The following RBFOX1 variants were observed in gnomAD, a reference collection of about 807,000 sequenced individuals.
RBFOX1 encodes RNA binding fox-1 homolog 1.
RBFOX1 carries 8 observed loss-of-function variants against 57.7 expected under a neutral mutation model. The ratio of observed to expected loss-of-function variants is 0.14; its 90% confidence interval spans 0.08 to 0.25. The LOEUF is 0.25. Among genes scored for constraint, RBFOX1 ranks in the 10% least tolerant of loss-of-function variants. The pLI is 1.00. For missense variants in RBFOX1, 611 were observed against 548.5 expected, an observed-to-expected ratio of 1.11 and a Z score of -1.14; for synonymous variants, 326 against 222.4, an observed-to-expected ratio of 1.47 and a Z score of -4.15.
intron 1 of RBFOX1, among the ~76,000 whole-genome samples, chr16:6,106,657 A>C (rs184376658): frequency 6.6e-6 from 1 of 152,188 alleles, no homozygotes; most frequent in East Asian, 1.9e-4. Flanking sequence ...ATAAGGAATT[A>C]AAATGACTCT....
chr16:6,895,635 T>C (rs2153391531), intron 3 of RBFOX1, among the ~76,000 whole-genome samples: 1 of 151,706 alleles, frequency 6.6e-6, no homozygotes, highest in South Asian at 2.1e-4. Context: ...GAGTCATAGA[T>C]CCTTGACAAT....
At chr16:6,594,133 A>G (rs1307780887) in intron 2 of RBFOX1, among the ~76,000 whole-genome samples, 1 of 152,214 alleles carries the variant, frequency 6.6e-6, no homozygotes, top group Non-Finnish European at 1.5e-5. Flanking sequence ...TTCATAAGAA[A>G]TGACAGGAGC....
At chr16:7,162,775 A>C (rs1311458196) in intron 4 of RBFOX1, among the ~76,000 whole-genome samples, 1 of 152,076 alleles carries the variant, frequency 6.6e-6, no homozygotes, top group East Asian at 1.9e-4. Flanking sequence ...AATACAAGGC[A>C]AATTGAAAAC....
chr16:5,341,168 A>G (rs879367908), intron 1 of RBFOX1, among the ~76,000 whole-genome samples: 1 of 152,102 alleles, frequency 6.6e-6, no homozygotes, highest in Non-Finnish European at 1.5e-5. Flanking sequence ...GAGTAGGAGG[A>G]GAGGAGGCTG....
intron 2 of RBFOX1, among the ~76,000 whole-genome samples, chr16:5,510,910 AACT>A (rs1224391804): frequency 7.2e-5 from 11 of 152,118 alleles, no homozygotes; most frequent in African/African-American, 2.7e-4. Context: ...CCAGGTTGAG[AACT>A]ACTGCTGTAA....
chr16:5,449,997 T>C (rs1028430032), intron 1 of RBFOX1, among the ~76,000 whole-genome samples: 3 of 152,184 alleles, frequency 2.0e-5, no homozygotes, highest in African/African-American at 7.2e-5. Flanking sequence ...ATAATAATAA[T>C]AGCACCTATC....
At chr16:7,509,206 T>G (rs184629765) in intron 4 of RBFOX1, among the ~76,000 whole-genome samples, 2 of 152,334 alleles carry the variant, frequency 1.3e-5, no homozygotes, top group Non-Finnish European at 2.9e-5. Context: ...TACTTTTTCT[T>G]GATAGCATTT....
intron 3 of RBFOX1, among the ~76,000 whole-genome samples, chr16:6,855,734 G>C (rs117117889): frequency 0.012 from 1,791 of 151,886 alleles, 20 homozygotes; most frequent in Non-Finnish European, 0.019. Flanking sequence ...AGATTTATTG[G>C]ATTCATTTAA....
chr16:5,645,058 A>C (rs907232364), intron 3 of RBFOX1, among the ~76,000 whole-genome samples: 1 of 146,902 alleles, frequency 6.8e-6, no homozygotes, highest in East Asian at 2.1e-4. Context: ...CAACATGGTG[A>C]AACCCTGTCT....
chr16:6,480,070 C>T (rs1423640872), intron 2 of RBFOX1, among the ~76,000 whole-genome samples: 2 of 135,270 alleles, frequency 1.5e-5, no homozygotes, highest in East Asian at 2.3e-4. Context: ...AAAAAAAAAT[C>T]ACTGGTCTAG....
chr16:5,625,492 A>G (rs549885051), intron 3 of RBFOX1, among the ~76,000 whole-genome samples: 1 of 152,052 alleles, frequency 6.6e-6, no homozygotes, highest in East Asian at 1.9e-4. Context: ...ATAACCAGTC[A>G]AGTTTTGCGG....
intron 5 of RBFOX1, among the ~76,000 whole-genome samples, chr16:7,542,144 C>G (rs2063086): frequency 6.6e-6 from 1 of 152,158 alleles, no homozygotes; most frequent in South Asian, 2.1e-4. Flanking sequence ...GGCTGGAGCA[C>G]AGAACATTCT....
At chr16:7,093,669 C>T (rs976892275) in intron 4 of RBFOX1, among the ~76,000 whole-genome samples, 2 of 152,126 alleles carry the variant, frequency 1.3e-5, no homozygotes, top group Non-Finnish European at 2.9e-5. Context: ...CTAGCTTAAC[C>T]ATTCATGGCC....
chr16:6,992,132 G>A lies in RBFOX1; in HGVS notation c.-15-59925G>A, dbSNP rs550588071. Among the ~76,000 whole-genome samples the A allele has an allele frequency of 6.6e-5, 10 of 151,950 alleles. No homozygotes were observed. In the South Asian group the frequency reaches 2.1e-3, roughly 32 times the overall value. On this transcript the variant is annotated intron_variant, in intron 3 of 15. Coordinates refer to ENST00000550418, the MANE Select transcript of RBFOX1 (RefSeq NM_018723.4). ...GTAGCTGTCTCTTCCTTTCCAGTCT[G>A]TGTAGGAAGCAGAACCAAGCTCATA...
chr16:6,342,174 C>T (rs1325397694), intron 2 of RBFOX1, among the ~76,000 whole-genome samples: 2 of 152,148 alleles, frequency 1.3e-5, no homozygotes, highest in Non-Finnish European at 2.9e-5. Flanking sequence ...TTCAAAGGAT[C>T]ACTCTGCTGC....
At chr16:5,628,850 A>G (rs951890983) in intron 3 of RBFOX1, among the ~76,000 whole-genome samples, 6 of 152,234 alleles carry the variant, frequency 3.9e-5, no homozygotes, top group Non-Finnish European at 8.8e-5. Context: ...TACATGGGCT[A>G]TGATGAGTGC....
intron 3 of RBFOX1, among the ~76,000 whole-genome samples, chr16:6,827,494 T>C (rs572121144): frequency 2.9e-4 from 44 of 152,264 alleles, no homozygotes; most frequent in Middle Eastern, 3.4e-3. Flanking sequence ...TTCATCACAC[T>C]TCAGCAGGGT....
chr16:5,839,575 T>G (rs2056563815), intron 3 of RBFOX1, among the ~76,000 whole-genome samples: 1 of 152,206 alleles, frequency 6.6e-6, no homozygotes, highest in Admixed American at 6.5e-5. Context: ...CAGAGGCTTC[T>G]TAATCAAGCA....
At position 6,308,193 on chromosome 16, in the gene RBFOX1, C is replaced by T. The variant is rs181035539; in HGVS notation, c.-126-8802C>T. 1.8e-3 allele frequency among the ~76,000 whole-genome samples: 275 copies of T among 151,884 alleles called. 2 individuals carry two copies. The highest frequency in any genetic ancestry group is 6.3e-3 in the African/African-American group (260 of 41,446). Reference sequence around the variant, plus strand: ...TACTTTTATAAATTATAATAATTTACATTGTGTATTTATCTATTTGGATGG... The same window carrying T: ...TACTTTTATAAATTATAATAATTTATATTGTGTATTTATCTATTTGGATGG... On this transcript the variant is annotated intron_variant, in intron 1 of 15. Transcript: ENST00000550418.
Sources: gnomAD v4.1 joint callset for allele counts (sites outside exome capture counted in the v4.1 genomes callset) on GRCh38, gnomAD v4.1.1 for gene constraint, MANE v1.5 for transcripts, NCBI Gene and HGNC (gene_info 2026-07-23, HGNC 2026-07-21) for gene names.